WASHC4: variants seen among roughly 807,000 people sequenced by gnomAD.
The protein encoded by WASHC4 is WASH complex subunit 4.
A neutral mutation model predicts 166.6 loss-of-function variants in WASHC4; 86 were observed. The observed-to-expected ratio is 0.52, with a 90% CI of 0.43 to 0.62. WASHC4 has a LOEUF of 0.62. Ranked by LOEUF, WASHC4 falls within the 20% of genes least tolerant of loss-of-function variation. The pLI is 0.00. For missense variants in WASHC4, 1,262 were observed against 1,382.4 expected (o/e 0.91, Z 1.38); for synonymous variants, 446 against 451.6 (o/e 0.99, Z 0.16).
intron 25 of WASHC4, among the ~76,000 whole-genome samples, chr12:105,151,525 A>G (rs914174491): frequency 6.6e-6 from 1 of 151,630 alleles, no homozygotes; most frequent in Non-Finnish European, 1.5e-5. Flanking sequence ...TCTGTCTCCC[A>G]GGCTGGAGTG....
chr12:105,141,731 A>C (rs186834998), intron 18 of WASHC4, among the ~76,000 whole-genome samples: 13 of 152,252 alleles, frequency 8.5e-5, no homozygotes, highest in Non-Finnish European at 1.5e-4. Flanking sequence ...AGTAAGCGTA[A>C]ATTTCTTGAA....
At chr12:105,146,064 G>A (rs1427681775) in intron 22 of WASHC4, among the ~76,000 whole-genome samples, 2 of 152,096 alleles carry the variant, frequency 1.3e-5, no homozygotes, top group Non-Finnish European at 1.5e-5. Context: ...CTGAAAAATA[G>A]TATGTATTTT....
chr12:105,124,394 T>C (rs761289939), intron 10 of WASHC4, among the ~76,000 whole-genome samples: 2 of 152,030 alleles, frequency 1.3e-5, no homozygotes, highest in Non-Finnish European at 2.9e-5. Context: ...ACTCATGTTT[T>C]TGTGCTGGTT....
At chr12:105,151,664 T>G (rs1883786838) in intron 25 of WASHC4, among the ~76,000 whole-genome samples, 1 of 152,044 alleles carries the variant, frequency 6.6e-6, no homozygotes, top group Non-Finnish European at 1.5e-5. Context: ...GTATTTTTAG[T>G]AGAGATGGGG....
At chr12:105,117,079 C>A (rs1880251346) in intron 6 of WASHC4, among the ~76,000 whole-genome samples, 1 of 152,152 alleles carries the variant, frequency 6.6e-6, no homozygotes, top group South Asian at 2.1e-4. Flanking sequence ...AATTGTTAAT[C>A]ATTCCTGGTA....
chr12:105,121,288 A>G (rs1295623587), intron 9 of WASHC4, 84 bp downstream of exon 9: 1 of 835,440 alleles, frequency 1.2e-6, no homozygotes, highest in Non-Finnish European at 2.0e-6. Context: ...TATAAATAAT[A>G]CAGATTTTCT....
chr12:105,121,501 A>G (rs1270267712), intron 9 of WASHC4, among the ~76,000 whole-genome samples: 3 of 152,018 alleles, frequency 2.0e-5, no homozygotes, highest in Non-Finnish European at 2.9e-5. Flanking sequence ...TATTCAGGTG[A>G]CAGTTTTTTC....
At position 105,164,296 on chromosome 12, in the gene WASHC4, G is replaced by C; in HGVS notation, c.3343G>C (p.Val1115Leu). ...GAATCTCACTCAGAAGCGACTGGAT[G>C]TCTATCTACAGGTAGAGAGGAGCCT... ...TMNLTQKRLDVYLQEFELLYF... is the reference protein window; with the variant it reads ...TMNLTQKRLDLYLQEFELLYF... Residue 1115 changes from valine to leucine, a missense_variant, in exon 31 of 33, where the codon GTC becomes CTC. Physicochemically the swap from Val to Leu is conservative, Grantham distance 32 (BLOSUM62 1). Coordinates refer to ENST00000332180, the MANE Select transcript of WASHC4 (RefSeq NM_015275.3). 1 of 1,613,652 alleles carries C rather than the reference G, an allele frequency of 6.2e-7. No individual in the cohort carries two copies. Among genetic ancestry groups the C allele is most frequent in the Non-Finnish European group, 8.5e-7 (1 of 1,179,676 alleles).
chr12:105,131,124 G>A (rs1171776482), intron 13 of WASHC4, among the ~76,000 whole-genome samples: 1 of 149,550 alleles, frequency 6.7e-6, no homozygotes, highest in Middle Eastern at 3.2e-3. Context: ...CTGTCTCCCA[G>A]GTTGGACTGC....
chr12:105,120,288 G>A (rs1170163240), intron 7 of WASHC4, among the ~76,000 whole-genome samples: 1 of 152,166 alleles, frequency 6.6e-6, no homozygotes, highest in Non-Finnish European at 1.5e-5. Flanking sequence ...ACCCATGAGT[G>A]GGATATAGGC....
rs2135773069 is a variant in WASHC4 at position 105,133,900 on chromosome 12, G to A, written c.1326+4G>A. 4 of 1,610,694 alleles carry A rather than the reference G, an allele frequency of 2.5e-6. No homozygotes were observed. Among genetic ancestry groups the A allele is most frequent in the Non-Finnish European group, 3.4e-6 (4 of 1,178,048 alleles). On this transcript the variant is annotated splice_donor_region_variant and intron_variant, in intron 14 of 32. Transcript: ENST00000332180. Reference sequence around the variant, plus strand: ...TAGATGTAATGTTTTTATACAGGTAGTTGCATCTTATTTCGGGGAATCATT... The same window carrying A: ...TAGATGTAATGTTTTTATACAGGTAATTGCATCTTATTTCGGGGAATCATT...
intron 32 of WASHC4, 120 bp from the exon 33 acceptor site, chr12:105,166,744 A>C (rs1884832059): frequency 1.4e-6 from 1 of 721,210 alleles, no homozygotes; most frequent in African/African-American, 1.8e-5. Flanking sequence ...GAAACATTTG[A>C]TGGATGCAAC....
At chr12:105,138,042 A>G (rs762588028) in intron 15 of WASHC4, 31 bp downstream of exon 15, 31 of 1,599,918 alleles carry the variant, frequency 1.9e-5, no homozygotes, top group Non-Finnish European at 2.6e-5. Context: ...CTGCTCCATC[A>G]TAATTGAGAA....
intron 27 of WASHC4, 41 bp downstream of exon 27, chr12:105,156,833 T>A: frequency 7.1e-7 from 1 of 1,412,188 alleles, no homozygotes; most frequent in South Asian, 1.1e-5. Context: ...TTATGCCATT[T>A]TAAAAATTGT....
chr12:105,140,857 T>TA, intron 16 of WASHC4, 42 bp from the exon 17 acceptor site: 1 of 1,590,298 alleles, frequency 6.3e-7, no homozygotes, highest in Non-Finnish European at 8.6e-7. Flanking sequence ...AGTCTTTTGT[T>TA]ACTGCCTCAG....
chr12:105,148,158 C>T, intron 24 of WASHC4: 1 of 985,136 alleles, frequency 1.0e-6, no homozygotes, highest in African/African-American at 1.7e-5. Context: ...AGTGGAAAAG[C>T]ATTGAAGATT....
chr12:105,116,294 C>T (rs1194732476), intron 6 of WASHC4, among the ~76,000 whole-genome samples: 1 of 152,128 alleles, frequency 6.6e-6, no homozygotes, highest in Non-Finnish European at 1.5e-5. Context: ...CATAGTCCCA[C>T]CTCCTTTCTG....
intron 1 of WASHC4, 94 bp from the exon 2 acceptor site, chr12:105,111,031 C>T: frequency 2.3e-6 from 2 of 877,522 alleles, no homozygotes; most frequent in South Asian, 2.8e-5. Flanking sequence ...TAATAATTAA[C>T]AGTGCTTTGC....
At chr12:105,130,120 A>G (rs897228643) in intron 13 of WASHC4, among the ~76,000 whole-genome samples, 1 of 152,234 alleles carries the variant, frequency 6.6e-6, no homozygotes, top group African/African-American at 2.4e-5. Flanking sequence ...TAGGTGGCAG[A>G]TGCAGGCAGT....
Sources: gnomAD v4.1 joint callset for allele counts (sites outside exome capture counted in the v4.1 genomes callset) on GRCh38, gnomAD v4.1.1 for gene constraint, MANE v1.5 for transcripts, NCBI Gene and HGNC (gene_info 2026-07-23, HGNC 2026-07-21) for gene names.